Variants in LYPLAL1 observed in about 807,000 individuals in gnomAD.
The protein encoded by LYPLAL1 is lysophospholipase like 1, also known as lysophospholipase-like protein 1.
LYPLAL1 carries 23 observed loss-of-function variants against 19.7 expected under a neutral mutation model. That is an observed-to-expected ratio of 1.17 (90% CI 0.84 to 1.65). The LOEUF (loss-of-function observed/expected upper bound fraction) is 1.65, where lower values mean the gene tolerates loss of function less well. Ranked by LOEUF, LYPLAL1 falls within the 40% of genes most tolerant of loss-of-function variation. The pLI is 0.00. For synonymous variants in LYPLAL1, 119 were observed against 96.3 expected (o/e 1.24, Z -1.38); for missense variants, 355 against 279.4 (o/e 1.27, Z -1.93).
chr1:219,373,863 CAAAA>C, the LYPLAL1 span, among the ~76,000 whole-genome samples: 1 of 102,212 alleles, frequency 9.8e-6, no homozygotes, highest in Non-Finnish European at 2.0e-5. Flanking sequence ...ATAAAATTGT[CAAAA>C]AAAAAAAAAA....
At chr1:219,402,859 A>G in the LYPLAL1 span, among the ~76,000 whole-genome samples, 1 of 152,178 alleles carries the variant, frequency 6.6e-6, no homozygotes, top group Admixed American at 6.5e-5. Flanking sequence ...GAAAAGGGTT[A>G]TTATGTTTTG....
At chr1:219,270,186 T>G in the LYPLAL1 span, among the ~76,000 whole-genome samples, 265 of 152,320 alleles carry the variant, frequency 1.7e-3, no homozygotes, top group Non-Finnish European at 3.2e-3. Flanking sequence ...TTTAGTGGTG[T>G]TGTTGTTTGG....
At chr1:219,300,702 T>C in the LYPLAL1 span, among the ~76,000 whole-genome samples, 1 of 151,610 alleles carries the variant, frequency 6.6e-6, no homozygotes, top group Non-Finnish European at 1.5e-5. Flanking sequence ...GCCTGGCTAA[T>C]TTTTTTGTAT....
the LYPLAL1 span, among the ~76,000 whole-genome samples, chr1:219,364,139 T>G: frequency 6.6e-6 from 1 of 152,308 alleles, no homozygotes; most frequent in South Asian, 2.1e-4. Context: ...AGGACAAAGA[T>G]GACAGGCTGA....
the LYPLAL1 span, among the ~76,000 whole-genome samples, chr1:219,223,608 C>T: frequency 6.6e-6 from 1 of 152,058 alleles, no homozygotes; most frequent in Non-Finnish European, 1.5e-5. Flanking sequence ...ATTTTTATAA[C>T]AAGAATAGAA....
intron 1 of LYPLAL1, chr1:219,174,195 TC>T: frequency 7.1e-7 from 1 of 1,413,034 alleles, no homozygotes; most frequent in Non-Finnish European, 9.2e-7. Flanking sequence ...CGGTCACTGG[TC>T]CACCACCCTC....
chr1:219,198,723 G>T (rs889273761), intron 3 of LYPLAL1: 4 of 151,986 alleles, frequency 2.6e-5, no homozygotes, highest in Admixed American at 6.6e-5. Context: ...CCAGAAATAG[G>T]TTGCTAAAGC....
the LYPLAL1 span, among the ~76,000 whole-genome samples, chr1:219,230,897 C>T: frequency 6.6e-6 from 1 of 152,192 alleles, no homozygotes; most frequent in Non-Finnish European, 1.5e-5. Flanking sequence ...GTTCTCCATC[C>T]AACATTGTGC....
chr1:219,417,929 T>C, the LYPLAL1 span, among the ~76,000 whole-genome samples: 2 of 152,254 alleles, frequency 1.3e-5, no homozygotes, highest in Non-Finnish European at 2.9e-5. Flanking sequence ...TTTCCTCCCT[T>C]ACTATATCAA....
the LYPLAL1 span, among the ~76,000 whole-genome samples, chr1:219,369,997 A>T: frequency 6.6e-6 from 1 of 152,226 alleles, no homozygotes; most frequent in East Asian, 1.9e-4. Flanking sequence ...TTTAAGGTAG[A>T]GTTGGAGCAT....
the LYPLAL1 span, among the ~76,000 whole-genome samples, chr1:219,221,118 T>C: frequency 6.6e-6 from 1 of 152,164 alleles, no homozygotes; most frequent in Non-Finnish European, 1.5e-5. Flanking sequence ...AGAGTATTAT[T>C]TGCCAGAGCT....
the LYPLAL1 span, among the ~76,000 whole-genome samples, chr1:219,245,807 T>C: frequency 2.0e-5 from 3 of 152,178 alleles, no homozygotes; most frequent in Admixed American, 6.5e-5. Flanking sequence ...CATCCTATAA[T>C]GAATTTAGGC....
the LYPLAL1 span, among the ~76,000 whole-genome samples, chr1:219,241,134 C>CTCTCTCTATATA: frequency 1.2e-3 from 51 of 44,346 alleles, no homozygotes; most frequent in East Asian, 3.3e-3. Context: ...CTCTCTCTCT[C>CTCTCTCTATATA]TATATATATA....
chr1:219,224,126 C>T, the LYPLAL1 span, among the ~76,000 whole-genome samples: 1 of 152,046 alleles, frequency 6.6e-6, no homozygotes, highest in Admixed American at 6.6e-5. Context: ...TGGGGGTGTC[C>T]ATGAGAGACA....
the LYPLAL1 span, among the ~76,000 whole-genome samples, chr1:219,228,104 A>G: frequency 6.6e-6 from 1 of 152,198 alleles, no homozygotes; most frequent in African/African-American, 2.4e-5. Flanking sequence ...AACGTCATCA[A>G]GAGAACAAAG....
At chr1:219,358,801 T>C in the LYPLAL1 span, among the ~76,000 whole-genome samples, 30 of 152,058 alleles carry the variant, frequency 2.0e-4, no homozygotes, top group African/African-American at 7.2e-4. Flanking sequence ...GTATTATTGC[T>C]GTATTATACA....
chr1:219,349,344 A>C, the LYPLAL1 span, among the ~76,000 whole-genome samples: 2 of 152,218 alleles, frequency 1.3e-5, no homozygotes, highest in African/African-American at 4.8e-5. Context: ...ACACAGTGAA[A>C]TGTGATCCCC....
intron 2 of LYPLAL1, among the ~76,000 whole-genome samples, chr1:219,192,152 C>T (rs1478881283): frequency 1.3e-5 from 2 of 151,666 alleles, no homozygotes; most frequent in African/African-American, 4.8e-5. Flanking sequence ...ATTTCTAGCT[C>T]CTTGAATATG....
the LYPLAL1 span, among the ~76,000 whole-genome samples, chr1:219,386,045 C>T: frequency 6.6e-6 from 1 of 152,060 alleles, no homozygotes; most frequent in African/African-American, 2.4e-5. Flanking sequence ...ATGCAATGTC[C>T]GGAGCTTTGC....
Sources: allele counts gnomAD v4.1 joint callset (sites outside exome capture counted in the v4.1 genomes callset), GRCh38; gene constraint gnomAD v4.1.1; transcripts MANE v1.5; gene names NCBI Gene and HGNC (gene_info 2026-07-23, HGNC 2026-07-21).